The following SYNPO2L variants were observed in gnomAD, a reference collection of about 807,000 sequenced individuals.
SYNPO2L encodes the protein synaptopodin 2-like protein.
In SYNPO2L, 34 loss-of-function variants were observed where a neutral mutation model predicts 47.5. The ratio of observed to expected loss-of-function variants is 0.72; its 90% CI spans 0.54 to 0.95. The LOEUF is 0.95. Among genes scored for constraint, SYNPO2L ranks in the 40% least tolerant of loss-of-function variants. The pLI, the probability that SYNPO2L is intolerant of heterozygous loss-of-function variation, is 0.00. For missense variants in SYNPO2L, 1,246 were observed against 1,282.0 expected (o/e 0.97, Z 0.43); for synonymous variants, 536 against 524.9 (o/e 1.02, Z -0.29).
Position 73,647,476 on chromosome 10 carries a change from C to A in SYNPO2L, c.2176G>T (p.Ala726Ser). ...AGCCCTCGAGATGGGGGCTTAGGAG[C>A]CACTGGGGGTGGAGTCTTAGGAGTC... ...PMTPKTPPPVAPKPPSRGLLD... is the reference protein window; with the variant it reads ...PMTPKTPPPVSPKPPSRGLLD... Residue 726 changes from alanine (A) to serine (S), a missense_variant, in exon 4 of 4, where the codon GCT (alanine) becomes TCT (serine). Ala to Ser is a moderately conservative substitution (Grantham distance 99). This residue lies in a region of SYNPO2L where 1,037 missense variants were observed against 1,021.5 expected (regional missense o/e 1.02). Coordinates refer to ENST00000394810, the MANE Select transcript of SYNPO2L (RefSeq NM_001114133.3). The A allele has an allele frequency of 1.3e-6, 2 of 1,593,756 alleles. No individual in the cohort carries two copies. The highest frequency in any genetic ancestry group is 2.2e-5 in the East Asian group (1 of 44,524).
Position 73,646,177 on chromosome 10 carries a change from AGC to A in SYNPO2L, c.*539_*540del, listed in dbSNP as rs946021874. On this transcript the variant is annotated 3_prime_UTR_variant, in exon 4 of 4. Coordinates refer to ENST00000394810, the MANE Select transcript of SYNPO2L (RefSeq NM_001114133.3). Reference sequence around the variant, plus strand: ...CTCTTATTCATGCCTTAGACGGAAGAGCACACACACACACACACACACACACA... The same window carrying A: ...CTCTTATTCATGCCTTAGACGGAAGAACACACACACACACACACACACACA... The A allele has an allele frequency of 3.6e-6, 3 of 842,248 alleles. No individual in the cohort carries two copies. The highest frequency in any genetic ancestry group is 6.0e-4 in the Middle Eastern group (1 of 1,662). 52.2% of individuals were successfully genotyped at this position (842,248 alleles called of 1,614,324 possible).
At position 73,645,867 on chromosome 10, in the gene SYNPO2L, C is replaced by G. The variant is rs2081741482; in HGVS notation, c.*851G>C. On this transcript the variant is annotated 3_prime_UTR_variant, in exon 4 of 4. Coordinates refer to ENST00000394810, the MANE Select transcript of SYNPO2L (RefSeq NM_001114133.3). ...TGAGACAGAGTCTCGCTCCGTCGCC[C>G]AGGCTGGAGTGCAGTGGCGCAATCT... is the stretch of plus-strand genomic sequence containing the variant. The G allele has an allele frequency of 4.1e-6, 4 of 984,288 alleles. No homozygotes were observed. The highest frequency in any genetic ancestry group is 1.7e-5 in the African/African-American group (1 of 57,188). 61.0% of individuals were successfully genotyped at this position (984,288 alleles called of 1,614,324 possible).
chr10:73,646,157 A>G lies in SYNPO2L; in HGVS notation c.*561T>C. ...GGTCTTTATTTTGACCTCCCCTCTT[A>G]TTCATGCCTTAGACGGAAGAGCACA... On this transcript the variant is annotated 3_prime_UTR_variant, in exon 4 of 4. Transcript: ENST00000394810. 1 of 982,190 alleles carries G rather than the reference A, an allele frequency of 1.0e-6. No homozygotes were observed. The allele number at this position is 982,190 out of a possible 1,614,324, so 60.8% of individuals were successfully genotyped here. A position where few individuals can be genotyped will look rare whatever the true frequency, so the allele number is the denominator to read the frequency against.
At chr10:73,655,414 C>G (rs552313321) in intron 1 of SYNPO2L, among the ~76,000 whole-genome samples, 1 of 152,006 alleles carries the variant, frequency 6.6e-6, no homozygotes, top group Non-Finnish European at 1.5e-5. Flanking sequence ...CTAGGCTGTT[C>G]GAGGCAGTTT....
In SYNPO2L at chr10:73,648,665, G is replaced by C. The variant is rs79048905; in HGVS notation, c.987C>G (p.Pro329=). 182 of 1,610,886 alleles carry C rather than the reference G, an allele frequency of 1.1e-4. No individual in the cohort carries two copies. In the African/African-American group the frequency reaches 1.5e-3, roughly 13 times the overall value. The stretch of plus-strand genomic sequence containing the variant: ...CTTCGTCCAGCTCGGACTCACTCGT[G>C]GGGGGAACGCCGTCCTCCTCCTCAG... ...TGAEEEDGVP[P]TSESELDEEA... Residue 329 remains proline, a synonymous_variant, in exon 4 of 4, where the codon CCC becomes CCG. Transcript: ENST00000394810.
At chr10:73,654,408 G>C (rs1254422373) in intron 1 of SYNPO2L, 128 bp from the exon 2 acceptor site, 4 of 1,211,184 alleles carry the variant, frequency 3.3e-6, no homozygotes, top group Non-Finnish European at 4.5e-6. Flanking sequence ...GGAGATGCAT[G>C]GAAGTGGCTG....
intron 3 of SYNPO2L, chr10:73,649,661 A>C: frequency 1.1e-6 from 1 of 943,350 alleles, no homozygotes; most frequent in East Asian, 1.2e-4. Context: ...ACTCAAATAC[A>C]TTCACACACC....
At chr10:73,652,941 CT>C (rs745570493) in intron 3 of SYNPO2L, among the ~76,000 whole-genome samples, 197 bp downstream of exon 3, 1 of 152,172 alleles carries the variant, frequency 6.6e-6, no homozygotes, top group Non-Finnish European at 1.5e-5. Context: ...TCACCTTACC[CT>C]TTTGCCACAT....
chr10:73,645,015 CCA>C lies in SYNPO2L; in HGVS notation c.*1701_*1702del. The C allele has an allele frequency of 7.9e-7, 1 of 1,259,844 alleles. No homozygotes were observed. The highest frequency in any genetic ancestry group is 1.0e-6 in the Non-Finnish European group (1 of 972,262). The allele number at this position is 1,259,844 out of a possible 1,614,324, so 78.0% of individuals were successfully genotyped here. A position where few individuals can be genotyped will look rare whatever the true frequency, so the allele number is the denominator to read the frequency against. On this transcript the variant is annotated 3_prime_UTR_variant, in exon 4 of 4. Coordinates refer to ENST00000394810, the MANE Select transcript of SYNPO2L (RefSeq NM_001114133.3). ...GTGGTGGTCTTGGTGAGAAGGGAGT[CCA>C]TACTAAGATTGGAGATCAGGACCTG...
chr10:73,645,047 T>C lies in SYNPO2L; in HGVS notation c.*1671A>G, dbSNP rs764409025. 3.2e-6 allele frequency: 4 copies of C among 1,265,114 alleles called. No individual in the cohort carries two copies. In the South Asian group the frequency reaches 4.0e-5, roughly 13 times the overall value. The allele number at this position is 1,265,114 out of a possible 1,614,324, so 78.4% of individuals were successfully genotyped here. On this transcript the variant is annotated 3_prime_UTR_variant, in exon 4 of 4. Coordinates refer to ENST00000394810, the MANE Select transcript of SYNPO2L (RefSeq NM_001114133.3). ...AAGATTGGAGATCAGGACCTGAAGC[T>C]GAAAAGAAGCAATAGCTGGGGTTTT...
chr10:73,653,093 T>C, intron 3 of SYNPO2L, 46 bp downstream of exon 3: 1 of 1,435,422 alleles, frequency 7.0e-7, no homozygotes, highest in East Asian at 2.5e-5. Flanking sequence ...GATTTAAGGC[T>C]CAGATTGAAG....
intron 3 of SYNPO2L, chr10:73,650,183 C>T: frequency 2.0e-6 from 2 of 985,418 alleles, no homozygotes; most frequent in Non-Finnish European, 2.4e-6. Flanking sequence ...TATTGAGATT[C>T]CATCTACTTT....
At chr10:73,651,487 G>A (rs2081840960) in intron 3 of SYNPO2L, among the ~76,000 whole-genome samples, 1 of 152,128 alleles carries the variant, frequency 6.6e-6, no homozygotes. Flanking sequence ...TATAACTAGA[G>A]GGGGAATCAT....
Position 73,647,325 on chromosome 10 carries a change from C to T in SYNPO2L, c.2327G>A (p.Gly776Asp), listed in dbSNP as rs752071077. 2 of 1,614,010 alleles carry T rather than the reference C, an allele frequency of 1.2e-6. No homozygotes were observed. Among genetic ancestry groups the T allele is most frequent in the South Asian group, 2.2e-5 (2 of 91,086 alleles). ...QSRADRYVVE[G>D]TPGPGLGPRP... ...AGGGCCAAGACCAGGACCAGGTGTACCTTCCACCACATACCTGTCCGCACG... is the reference window on the plus strand; with the variant it reads ...AGGGCCAAGACCAGGACCAGGTGTATCTTCCACCACATACCTGTCCGCACG... The change falls in exon 4 of 4, where the codon GGT (glycine) becomes GAT (aspartate). Residue 776 changes from glycine (G) to aspartate (D), a missense_variant. Physicochemically the swap from Gly to Asp is moderately conservative, Grantham distance 94. Coordinates refer to ENST00000394810, the MANE Select transcript of SYNPO2L (RefSeq NM_001114133.3).
At position 73,647,773 on chromosome 10, in the gene SYNPO2L, C is replaced by T. The variant is rs372058702; in HGVS notation, c.1879G>A (p.Ala627Thr). 5 of 1,613,448 alleles carry T rather than the reference C, an allele frequency of 3.1e-6. No individual in the cohort carries two copies. Among genetic ancestry groups the T allele is most frequent in the South Asian group, 1.1e-5 (1 of 91,008 alleles). Residue 627 changes from alanine to threonine, a missense_variant, in exon 4 of 4, where the codon GCC becomes ACC. By Grantham distance (58) the Ala-to-Thr change is moderately conservative. Coordinates refer to ENST00000394810, the MANE Select transcript of SYNPO2L (RefSeq NM_001114133.3). ...PAARTGILQE[A>T]RRRGTRKQMF... Reference sequence around the variant, plus strand: ...TGCTTCCGGGTCCCCCGGCGCCGGGCCTCCTGCAGGATACCCGTGCGGGCA... The same window carrying T: ...TGCTTCCGGGTCCCCCGGCGCCGGGTCTCCTGCAGGATACCCGTGCGGGCA...
At position 73,653,521 on chromosome 10, in the gene SYNPO2L, T is replaced by TTTACTATCA; in HGVS notation, c.389_390insTGATAGTAA (p.Ser130_Pro131insAspSerLys). 1 of 1,551,716 alleles carries TTTACTATCA rather than the reference T, an allele frequency of 6.4e-7. No individual in the cohort carries two copies. The highest frequency in any genetic ancestry group is 1.2e-5 in the South Asian group (1 of 84,038). ...CGTAGTAAGCCTCACTATCAGGAGGTGAACGAAGGCTCCCAGGCTGAAGAG... is the reference window on the plus strand; with the variant it reads ...CGTAGTAAGCCTCACTATCAGGAGGTTTACTATCAGAACGAAGGCTCCCAGGCTGAAGAG... On this transcript the variant is annotated inframe_insertion, in exon 3 of 4. Coordinates refer to ENST00000394810, the MANE Select transcript of SYNPO2L (RefSeq NM_001114133.3).
chr10:73,647,832 G>C lies in SYNPO2L; in HGVS notation c.1820C>G (p.Pro607Arg), dbSNP rs780290902. 4.4e-6 allele frequency: 7 copies of C among 1,577,264 alleles called. No individual in the cohort carries two copies. The highest frequency in any genetic ancestry group is 2.7e-5 in the African/African-American group (2 of 73,682). Residue 607 changes from proline to arginine, a missense_variant, in exon 4 of 4, where the codon CCC becomes CGC. Transcript: ENST00000394810. ...PAPGPGAPEP[P>R]SAREQRISVP... ...AGAGATGCGCTGCTCGCGAGCGCTG[G>C]GGGGCTCAGGAGCCCCTGGGCCTGG...
Position 73,646,878 on chromosome 10 carries a change from G to A in SYNPO2L, c.2774C>T (p.Ala925Val). Residue 925 changes from alanine to valine, a missense_variant, in exon 4 of 4, where the codon GCC (alanine) becomes GTC (valine). Ala to Val is a moderately conservative substitution (Grantham distance 64). Transcript: ENST00000394810. The stretch of plus-strand genomic sequence containing the variant: ...GGCTGGGCTAGGAACAGGGGCTGAG[G>A]CCAGTTCTGTTCTCCAGATGGGCTC... ...LDEPIWRTEL[A>V]SAPVPSPAPP... 1 of 1,566,084 alleles carries A rather than the reference G, an allele frequency of 6.4e-7. No homozygotes were observed. The highest frequency in any genetic ancestry group is 1.4e-5 in the African/African-American group (1 of 73,708).
chr10:73,653,357 G>A lies in SYNPO2L; in HGVS notation c.554C>T (p.Ala185Val), dbSNP rs776360116. 1 of 1,551,598 alleles carries A rather than the reference G, an allele frequency of 6.4e-7. No individual in the cohort carries two copies. Among genetic ancestry groups the A allele is most frequent in the Non-Finnish European group, 8.7e-7 (1 of 1,146,982 alleles). Residue 185 changes from alanine (A) to valine (V), a missense_variant, in exon 3 of 4, where the codon GCA becomes GTA. Transcript: ENST00000394810. ...VYLSDSPAEPAPTIPGPPSQG... is the reference protein window; with the variant it reads ...VYLSDSPAEPVPTIPGPPSQG... ...GCTGGGAGGGCCAGGGATAGTAGGT[G>A]CTGGCTCTGCAGGGCTGTCAGACAG...
Sources: gnomAD v4.1 joint callset for allele counts (sites outside exome capture counted in the v4.1 genomes callset) on GRCh38, gnomAD v4.1.1 for gene constraint, gnomAD v4.1.1 regional missense constraint, MANE v1.5 for transcripts, NCBI Gene and HGNC (gene_info 2026-07-23, HGNC 2026-07-21) for gene names.